COL20A1: variants seen among roughly 807,000 people sequenced by gnomAD.
COL20A1 encodes collagen type XX alpha 1 chain.
COL20A1 carries 164 observed loss-of-function variants against 152.9 expected under a neutral mutation model. That is an observed-to-expected ratio of 1.07 (90% CI 0.94 to 1.22). The LOEUF is 1.22. Ranked by LOEUF, COL20A1 falls within the 50% of genes most tolerant of loss-of-function variation. The pLI, the probability that COL20A1 is intolerant of heterozygous loss-of-function variation, is 0.00. For missense variants in COL20A1, 1,873 were observed against 1,744.8 expected, an observed-to-expected ratio of 1.07 and a Z score of -1.31; for synonymous variants, 864 against 756.0, an observed-to-expected ratio of 1.14 and a Z score of -2.34.
At chr20:63,294,258 C>T (rs1174154447) in intron 1 of COL20A1, among the ~76,000 whole-genome samples, 2 of 132,672 alleles carry the variant, frequency 1.5e-5, no homozygotes, top group Non-Finnish European at 3.2e-5. Flanking sequence ...GGCATTTCTT[C>T]TTCAGCCCTG....
Position 63,319,041 on chromosome 20 carries a change from T to TC in COL20A1, c.2664-12dup, listed in dbSNP as rs773356705. ...TTGGGTCTGCTCATGTGCCTCTCCC[T>TC]CCCCCAACCCCCACAGTGACGTCTA... On this transcript the variant is annotated splice_polypyrimidine_tract_variant and intron_variant, in intron 21 of 35. Coordinates refer to ENST00000358894, the MANE Select transcript of COL20A1 (RefSeq NM_020882.4). The surrounding 1 kb of genome is among the most constrained non-coding windows in gnomAD (Gnocchi z 4.4). 1.3e-6 allele frequency: 2 copies of TC among 1,564,820 alleles called. No homozygotes were observed. The highest frequency in any genetic ancestry group is 1.8e-6 in the Non-Finnish European group (2 of 1,138,088).
At position 63,305,440 on chromosome 20, in the gene COL20A1, C is replaced by G; in HGVS notation, c.217C>G (p.Leu73Val). Reference protein sequence around the residue: ...MAGDSEQEVILTTKTPKATVG... With the variant: ...MAGDSEQEVIVTTKTPKATVG... The stretch of plus-strand genomic sequence containing the variant: ...AGGGGACTCGGAACAGGAGGTGATA[C>G]TGACCACCAAGACCCCTAAGGCCAC... The change falls in exon 4 of 36, where the codon CTG becomes GTG. Residue 73 changes from leucine (L) to valine (V), a missense_variant. Coordinates refer to ENST00000358894, the MANE Select transcript of COL20A1 (RefSeq NM_020882.4). The surrounding 1 kb of genome is among the most constrained non-coding windows in gnomAD (Gnocchi z 4.9). 7 of 1,588,496 alleles carry G rather than the reference C, an allele frequency of 4.4e-6. No homozygotes were observed. The highest frequency in any genetic ancestry group is 6.0e-6 in the Non-Finnish European group (7 of 1,169,758).
intron 2 of COL20A1, 133 bp downstream of exon 2, chr20:63,295,322 C>G (rs2123366219): frequency 1.6e-6 from 1 of 630,278 alleles, no homozygotes; most frequent in East Asian, 2.8e-5. Flanking sequence ...TTCACAGCAG[C>G]TCCCACAACA....
rs79424922 is a variant in COL20A1, at chr20:63,313,087, C to T, written c.2077-30C>T. On this transcript the variant is annotated intron_variant, in intron 16 of 35. Transcript: ENST00000358894. The surrounding 1 kb of genome is among the most constrained non-coding windows in gnomAD (Gnocchi z 5.9). ...CCCAACCTGAGGACCCCACTGCACC[C>T]GGTGACCCCTGGGGCTCTCCTCTCC... The T allele has an allele frequency of 8.8e-5, 140 of 1,592,380 alleles. 1 individual carries two copies. In the African/African-American group the frequency reaches 1.2e-3, roughly 13 times the overall value.
intron 27 of COL20A1, among the ~76,000 whole-genome samples, chr20:63,323,935 C>T (rs1331370355): frequency 2.6e-5 from 4 of 152,330 alleles, no homozygotes; most frequent in Non-Finnish European, 5.9e-5. Context: ...TATAGATATA[C>T]TCGGGAACAG....
At position 63,328,317 on chromosome 20, in the gene COL20A1, C is replaced by T. The variant is rs1486073518; in HGVS notation, c.3614-14C>T. On this transcript the variant is annotated splice_polypyrimidine_tract_variant and intron_variant, in intron 33 of 35. Transcript: ENST00000358894. ...GTCCCCACTGTGTCCTGCTGACACC[C>T]CTCCTCCCCACAGCACACGTGTCAA... 6.2e-7 allele frequency: 1 copy of T among 1,604,144 alleles called. No individual in the cohort carries two copies. The highest frequency in any genetic ancestry group is 1.3e-5 in the African/African-American group (1 of 74,872).
chr20:63,305,471 G>T lies in COL20A1; in HGVS notation c.248G>T (p.Gly83Val), dbSNP rs1263657618. The T allele has an allele frequency of 1.2e-6, 2 of 1,603,000 alleles. No individual in the cohort carries two copies. The highest frequency in any genetic ancestry group is 1.3e-5 in the African/African-American group (1 of 74,266). The change falls in exon 4 of 36, where the codon GGG becomes GTG. Residue 83 changes from glycine to valine, a missense_variant. Physicochemically the swap from Gly to Val is moderately radical, Grantham distance 109 (BLOSUM62 -3). Coordinates refer to ENST00000358894, the MANE Select transcript of COL20A1 (RefSeq NM_020882.4). This position sits in a 1 kb window ranked among gnomAD's most constrained non-coding sequence, Gnocchi z 4.9. The part of the protein sequence containing the change: ...LTTKTPKATV[G>V]GLSPSKGYTL... ...ACCAAGACCCCTAAGGCCACAGTGG[G>T]GGGCCTGAGCCCCTCCAAGGGCTAC...
chr20:63,294,238 G>A (rs2067757442), intron 1 of COL20A1, among the ~76,000 whole-genome samples: 1 of 139,450 alleles, frequency 7.2e-6, no homozygotes, highest in East Asian at 2.2e-4. Flanking sequence ...CGGAGTGCAA[G>A]TGAACCCCCG....
At position 63,305,357 on chromosome 20, in the gene COL20A1, C is replaced by G; in HGVS notation, c.194-60C>G. The G allele has an allele frequency of 7.4e-7, 1 of 1,346,520 alleles. No individual in the cohort carries two copies. Among genetic ancestry groups the G allele is most frequent in the Non-Finnish European group, 9.6e-7 (1 of 1,038,748 alleles). 83.4% of individuals were successfully genotyped at this position (1,346,520 alleles called of 1,614,324 possible). On this transcript the variant is annotated intron_variant, in intron 3 of 35. Coordinates refer to ENST00000358894, the MANE Select transcript of COL20A1 (RefSeq NM_020882.4). This position sits in a 1 kb window ranked among gnomAD's most constrained non-coding sequence, Gnocchi z 4.9. ...GAGCCAAGAGGGTTTCACTCCCCGCCGTGACAGATGCACACACGTGTGCAC... is the reference window on the plus strand; with the variant it reads ...GAGCCAAGAGGGTTTCACTCCCCGCGGTGACAGATGCACACACGTGTGCAC...
At chr20:63,307,359 T>G (rs1052047779) in intron 5 of COL20A1, 131 bp from the exon 6 acceptor site, 5 of 818,142 alleles carry the variant, frequency 6.1e-6, no homozygotes, top group Non-Finnish European at 9.5e-6. Flanking sequence ...CTGAGGGCCT[T>G]GGAGTCCTTT....
In COL20A1 at chr20:63,305,784, C is replaced by A; in HGVS notation, c.338-97C>A. 1.5e-6 allele frequency: 2 copies of A among 1,319,836 alleles called. No individual in the cohort carries two copies. Among genetic ancestry groups the A allele is most frequent in the Non-Finnish European group, 2.1e-6 (2 of 939,790 alleles). The allele number at this position is 1,319,836 out of a possible 1,614,324, so 81.8% of individuals were successfully genotyped here. A position where few individuals can be genotyped will look rare whatever the true frequency, so the allele number is the denominator to read the frequency against. On this transcript the variant is annotated intron_variant, in intron 4 of 35. Coordinates refer to ENST00000358894, the MANE Select transcript of COL20A1 (RefSeq NM_020882.4). The surrounding 1 kb of genome is among the most constrained non-coding windows in gnomAD (Gnocchi z 4.9). ...GCCTCCCAGGCTCCTGGGCCCTCAG[C>A]ACCCACAGATGCGCCCTTGAAGGGG...
At chr20:63,298,912 C>A (rs899512403) in intron 3 of COL20A1, among the ~76,000 whole-genome samples, 4 of 152,224 alleles carry the variant, frequency 2.6e-5, no homozygotes, top group African/African-American at 4.8e-5. Flanking sequence ...AACGACCGTC[C>A]CGGGTGCCCC....
chr20:63,325,993 C>T (rs2068241143), intron 29 of COL20A1, 103 bp from the exon 30 acceptor site: 1 of 1,071,974 alleles, frequency 9.3e-7, no homozygotes, highest in African/African-American at 1.6e-5. Context: ...ACCTTTGCTG[C>T]TTGGGTTACA....
At chr20:63,299,874 GTATA>G (rs200147666) in intron 3 of COL20A1, among the ~76,000 whole-genome samples, 4 of 151,038 alleles carry the variant, frequency 2.6e-5, no homozygotes, top group Non-Finnish European at 5.9e-5. Context: ...TACGTTGTGT[GTATA>G]TATATATGTA....
At chr20:63,307,219 G>T (rs947762773) in intron 5 of COL20A1, among the ~76,000 whole-genome samples, 2 of 152,224 alleles carry the variant, frequency 1.3e-5, no homozygotes, top group Admixed American at 1.3e-4. Flanking sequence ...TGGGCTTCTG[G>T]GCCTGATGTC....
intron 8 of COL20A1, 24 bp from the exon 9 acceptor site, chr20:63,309,309 C>T (rs761645852): frequency 3.5e-5 from 51 of 1,438,708 alleles, no homozygotes; most frequent in Admixed American, 1.3e-4. Context: ...TGCAGGCCAA[C>T]CCCACCTCCC....
At position 63,305,386 on chromosome 20, in the gene COL20A1, G is replaced by C. The variant is rs1242140633; in HGVS notation, c.194-31G>C. 1 of 1,455,494 alleles carries C rather than the reference G, an allele frequency of 6.9e-7. No homozygotes were observed. Among genetic ancestry groups the C allele is most frequent in the Non-Finnish European group, 9.1e-7 (1 of 1,104,674 alleles). The allele number at this position is 1,455,494 out of a possible 1,614,324, so 90.2% of individuals were successfully genotyped here. ...ACAGATGCACACACGTGTGCACCTT[G>C]GCCTCTAAAGCTCTCCCCACCCCTA... is the stretch of plus-strand genomic sequence containing the variant. On this transcript the variant is annotated intron_variant, in intron 3 of 35. Transcript: ENST00000358894. This position sits in a 1 kb window ranked among gnomAD's most constrained non-coding sequence, Gnocchi z 4.9.
Position 63,308,532 on chromosome 20 carries a change from T to A in COL20A1, c.776-10T>A. ...CAGCTGCCTGTCACTTTATTCCTGC[T>A]GCTCCCAAGGCCTTGCCCTGACCCA... On this transcript the variant is annotated splice_polypyrimidine_tract_variant and intron_variant, in intron 7 of 35. Transcript: ENST00000358894. The A allele has an allele frequency of 6.4e-7, 1 of 1,570,850 alleles. No homozygotes were observed. Among genetic ancestry groups the A allele is most frequent in the East Asian group, 2.3e-5 (1 of 43,660 alleles).
chr20:63,332,017 C>G lies in COL20A1; in HGVS notation c.*1301C>G, dbSNP rs6122426. 0.23 allele frequency: 35,657 copies of G among 152,664 alleles called. 4,448 individuals carry two copies. Among genetic ancestry groups the G allele is most frequent in the East Asian group, 0.39 (2,025 of 5,158 alleles). The allele number at this position is 152,664 out of a possible 1,614,324, so 9.5% of individuals were successfully genotyped here. A position where few individuals can be genotyped will look rare whatever the true frequency, so the allele number is the denominator to read the frequency against. The stretch of plus-strand genomic sequence containing the variant: ...CAGGATGGGAGAGAGCGCCTGCACC[C>G]ACAGGAGCCACAGCCCTGACTGAGG... On this transcript the variant is annotated 3_prime_UTR_variant, in exon 36 of 36. Transcript: ENST00000358894.
Sources: gnomAD v4.1 joint callset for allele counts (sites outside exome capture counted in the v4.1 genomes callset) on GRCh38, gnomAD v4.1.1 for gene constraint, Gnocchi (gnomAD v3.1) non-coding constraint, MANE v1.5 for transcripts, NCBI Gene and HGNC (gene_info 2026-07-23, HGNC 2026-07-21) for gene names.